Variants in INSL6 observed in about 807,000 individuals in gnomAD.
INSL6 encodes the protein insulin-like peptide INSL6.
A neutral mutation model predicts 9.4 loss-of-function variants in INSL6; 16 were observed. The ratio of observed to expected loss-of-function variants is 1.70; its 90% CI spans 1.15 to 2.59. The LOEUF is 2.59. Ranked by LOEUF, INSL6 falls within the 30% of genes most tolerant of loss-of-function variation. The pLI is 0.00. For synonymous variants in INSL6, 154 were observed against 96.9 expected (o/e 1.59, Z -3.46); for missense variants, 391 against 257.3 (o/e 1.52, Z -3.56).
chr9:5,112,635 A>C, the INSL6 span: 1 of 998,166 alleles, frequency 1.0e-6, no homozygotes, highest in Non-Finnish European at 1.4e-6. Flanking sequence ...CTCAACAGCG[A>C]GAAGCCCCAG....
the INSL6 span, among the ~76,000 whole-genome samples, chr9:5,104,076 A>G: frequency 6.6e-6 from 1 of 152,218 alleles, no homozygotes; most frequent in East Asian, 1.9e-4. Context: ...TCAGAGCAGA[A>G]CTGAAGGAGA....
intron 3 of INSL6, among the ~76,000 whole-genome samples, chr9:5,128,889 A>C (rs535409756): frequency 6.6e-6 from 1 of 152,148 alleles, no homozygotes; most frequent in South Asian, 2.1e-4. Context: ...ACAAGGGTAA[A>C]GGTATTCTTA....
At chr9:5,145,549 G>A (rs1824586209) in intron 2 of INSL6, among the ~76,000 whole-genome samples, 1 of 152,160 alleles carries the variant, frequency 6.6e-6, no homozygotes, top group Non-Finnish European at 1.5e-5. Context: ...CCTGAAATAT[G>A]TTTTCCAAGT....
chr9:5,128,542 A>G (rs1451252414), intron 3 of INSL6, among the ~76,000 whole-genome samples: 1 of 151,914 alleles, frequency 6.6e-6, no homozygotes, highest in Non-Finnish European at 1.5e-5. Context: ...ACTTAAAAGT[A>G]GGTTCTTATC....
the INSL6 span, among the ~76,000 whole-genome samples, chr9:5,106,280 A>G: frequency 0.12 from 18,524 of 152,268 alleles, 3,527 homozygotes; most frequent in African/African-American, 0.41. Context: ...TTATGCAGCC[A>G]ACAGACATAT....
At chr9:5,062,505 A>AAAAAAAAAAAAAAAAAAAAG in the INSL6 span, among the ~76,000 whole-genome samples, 1 of 96,348 alleles carries the variant, frequency 1.0e-5, no homozygotes, top group African/African-American at 3.5e-5. Context: ...ATTTGTAAAA[A>AAAAAAAAAAAAAAAAAAAAG]AAAAAAAAAA....
At chr9:5,064,544 A>C in the INSL6 span, among the ~76,000 whole-genome samples, 7 of 152,112 alleles carry the variant, frequency 4.6e-5, no homozygotes, top group African/African-American at 1.4e-4. Context: ...AAAAAAAGAA[A>C]AAAGGAAATG....
chr9:5,158,286 A>G (rs1476408603), intron 2 of INSL6, among the ~76,000 whole-genome samples: 1 of 152,176 alleles, frequency 6.6e-6, no homozygotes, highest in African/African-American at 2.4e-5. Context: ...TCAAAGAGAT[A>G]ATAACAGAGA....
At chr9:5,041,322 A>G in the INSL6 span, 1 of 741,956 alleles carries the variant, frequency 1.3e-6, no homozygotes, top group Non-Finnish European at 2.3e-6. Flanking sequence ...CCGTGCAGCC[A>G]GCACAAGAGC....
At chr9:5,152,405 T>C (rs1009120086) in intron 2 of INSL6, among the ~76,000 whole-genome samples, 4 of 152,132 alleles carry the variant, frequency 2.6e-5, no homozygotes, top group African/African-American at 9.7e-5. Context: ...AAGAAAGATA[T>C]CTAGTAAATA....
chr9:5,054,456 G>C, the INSL6 span: 2 of 867,248 alleles, frequency 2.3e-6, no homozygotes, highest in South Asian at 1.7e-5. The surrounding 1 kb of genome is among the most constrained non-coding windows in gnomAD (Gnocchi z 4.9). Flanking sequence ...TGTGTTGTAA[G>C]GCCTACTTAA....
At chr9:5,180,503 A>G (rs1001314877) in intron 1 of INSL6, among the ~76,000 whole-genome samples, 11 of 152,254 alleles carry the variant, frequency 7.2e-5, no homozygotes, top group Admixed American at 5.2e-4. Context: ...TAGTATTAAT[A>G]CCCTGGGAAA....
At chr9:5,024,572 A>G in the INSL6 span, among the ~76,000 whole-genome samples, 2 of 151,688 alleles carry the variant, frequency 1.3e-5, no homozygotes, top group South Asian at 4.2e-4. Context: ...TGGCTTTTCT[A>G]CTCTCCAATA....
chr9:5,068,535 A>G, the INSL6 span, among the ~76,000 whole-genome samples: 3 of 152,164 alleles, frequency 2.0e-5, no homozygotes, highest in African/African-American at 7.2e-5. Context: ...AGAAGTGGGT[A>G]TACATTCTTA....
At chr9:5,179,832 G>A (rs758157983) in intron 1 of INSL6, among the ~76,000 whole-genome samples, 1 of 152,140 alleles carries the variant, frequency 6.6e-6, no homozygotes, top group South Asian at 2.1e-4. Context: ...ACACACACTG[G>A]GGCCTGCCTG....
intron 1 of INSL6, among the ~76,000 whole-genome samples, chr9:5,175,891 A>G (rs1825293313): frequency 6.6e-6 from 1 of 152,194 alleles, no homozygotes; most frequent in African/African-American, 2.4e-5. Flanking sequence ...TAATTATTTC[A>G]TTAAACATTA....
At chr9:5,041,024 G>T in the INSL6 span, 1 of 669,534 alleles carries the variant, frequency 1.5e-6, no homozygotes, top group Non-Finnish European at 2.7e-6. Flanking sequence ...CTGCACCTGG[G>T]TACCGGTTCT....
intron 2 of INSL6, among the ~76,000 whole-genome samples, chr9:5,142,749 G>C (rs1391690878): frequency 6.6e-6 from 1 of 152,164 alleles, no homozygotes; most frequent in Non-Finnish European, 1.5e-5. Flanking sequence ...AATAGGAGTG[G>C]GGAGAGAGGG....
intron 1 of INSL6, among the ~76,000 whole-genome samples, chr9:5,174,890 T>G (rs1304036932): frequency 6.6e-6 from 1 of 152,108 alleles, no homozygotes; most frequent in Admixed American, 6.5e-5. Flanking sequence ...ATCCCATCCT[T>G]CTAGGTGTTC....
Sources: allele counts gnomAD v4.1 joint callset (sites outside exome capture counted in the v4.1 genomes callset), GRCh38; gene constraint gnomAD v4.1.1; non-coding constraint Gnocchi (gnomAD v3.1); transcripts MANE v1.5; gene names NCBI Gene and HGNC (gene_info 2026-07-23, HGNC 2026-07-21).